The following TASOR2 variants were observed in gnomAD, a reference collection of about 807,000 sequenced individuals.
The protein encoded by TASOR2 is transcription activation suppressor family member 2, also known as protein TASOR 2.
Under a neutral mutation model 199.5 loss-of-function variants are expected in TASOR2, and 84 were observed. The ratio of observed to expected loss-of-function variants is 0.42; its 90% CI spans 0.35 to 0.50. The LOEUF (loss-of-function observed/expected upper bound fraction) is 0.50. Among genes scored for constraint, TASOR2 ranks in the 20% least tolerant of loss-of-function variants. The pLI is 0.02. For synonymous variants in TASOR2, 1,103 were observed against 1,046.6 expected, an observed-to-expected ratio of 1.05 and a Z score of -1.04; for missense variants, 2,796 against 2,835.9, an observed-to-expected ratio of 0.99 and a Z score of 0.32.
intron 10 of TASOR2, among the ~76,000 whole-genome samples, chr10:5,728,066 T>G (rs1834281935): frequency 6.6e-6 from 1 of 151,214 alleles, no homozygotes; most frequent in African/African-American, 2.4e-5. Flanking sequence ...CTACAAAAAA[T>G]AGAGAAAAAT....
rs549909318 is a variant in TASOR2 at position 5,751,091 on chromosome 10, G to A, written c.6606+1064G>A. ...TAGTGCTCTTGTCAGTGCATTCATT[G>A]TATCAGGAGGCACCCGATGTTGATT... is the stretch of plus-strand genomic sequence containing the variant. On this transcript the variant is annotated intron_variant, in intron 15 of 20. Coordinates refer to ENST00000328090, the Ensembl canonical transcript of TASOR2. This position sits in a 1 kb window ranked among gnomAD's most constrained non-coding sequence, Gnocchi z 5.3. Among the ~76,000 whole-genome samples, 148 of 152,296 alleles carry A rather than the reference G, an allele frequency of 9.7e-4. No homozygotes were observed. Among genetic ancestry groups the A allele is most frequent in the Non-Finnish European group, 1.4e-3 (92 of 68,026 alleles).
At chr10:5,729,238 A>G (rs1834469767) in intron 10 of TASOR2, among the ~76,000 whole-genome samples, 1 of 152,112 alleles carries the variant, frequency 6.6e-6, no homozygotes, top group Non-Finnish European at 1.5e-5. Flanking sequence ...AATTCCAGCT[A>G]CTCGGGAGAC....
At chr10:5,758,153 T>C (rs1218848052) in intron 17 of TASOR2, among the ~76,000 whole-genome samples, 1 of 152,192 alleles carries the variant, frequency 6.6e-6, no homozygotes, top group African/African-American at 2.4e-5. Context: ...GGCACTTTTA[T>C]GTATAAAACC....
At chr10:5,711,840 T>G (rs1831954372) in intron 1 of TASOR2, among the ~76,000 whole-genome samples, 1 of 152,060 alleles carries the variant, frequency 6.6e-6, no homozygotes, top group African/African-American at 2.4e-5. Flanking sequence ...TAAAACTCAA[T>G]AGACTCTTCT....
At chr10:5,735,612 T>C in intron 12 of TASOR2, 66 bp downstream of exon 13, 1 of 1,545,422 alleles carries the variant, frequency 6.5e-7, no homozygotes, top group Non-Finnish European at 8.7e-7. Flanking sequence ...TGCAAGATAA[T>C]TTATTGAAAT....
Position 5,748,813 on chromosome 10 carries a change from G to T in TASOR2, c.5392G>T (p.Gly1798Trp), listed in dbSNP as rs1837580913. The stretch of plus-strand genomic sequence containing the variant: ...AGAGCACGTAGAAATTGAGAACAGT[G>T]GGGAGGGGCTCAGGGCTGAGGCTGG... Residue 1798 changes from glycine to tryptophan, a missense_variant, in exon 15 of 21, where the codon GGG (glycine) becomes TGG (tryptophan). Coordinates refer to ENST00000328090, the Ensembl canonical transcript of TASOR2. The surrounding 1 kb of genome is among the most constrained non-coding windows in gnomAD (Gnocchi z 5.1). 1.2e-6 allele frequency: 2 copies of T among 1,614,170 alleles called. No homozygotes were observed. Among genetic ancestry groups the T allele is most frequent in the Non-Finnish European group, 1.7e-6 (2 of 1,180,046 alleles).
rs1396185121 is a variant in TASOR2, at chr10:5,742,372, TC to T, written c.2605del (p.Arg869ValfsTer52). 6.2e-7 allele frequency: 1 copy of T among 1,614,038 alleles called. No homozygotes were observed. Among genetic ancestry groups the T allele is most frequent in the Non-Finnish European group, 8.5e-7 (1 of 1,180,024 alleles). ...AGGGCTCATGCTGCTGAAGTATCCT[TC>T]CGTGATCCTAACTGCTTGCTTCCTT... is the stretch of plus-strand genomic sequence containing the variant. On this transcript the variant is annotated frameshift_variant, in exon 14 of 21. Coordinates refer to ENST00000328090, the Ensembl canonical transcript of TASOR2. LOFTEE classifies it high-confidence loss of function. The surrounding 1 kb of genome is among the most constrained non-coding windows in gnomAD (Gnocchi z 4.2).
At chr10:5,726,792 C>A in intron 8 of TASOR2, 93 bp from the exon 10 acceptor site, 1 of 1,154,022 alleles carries the variant, frequency 8.7e-7, no homozygotes, top group South Asian at 1.3e-5. Flanking sequence ...TTTTTCTTTT[C>A]TTGAGGTCAA....
chr10:5,747,095 C>T (rs1199796488), exon 15 of TASOR2: 18 of 1,613,996 alleles, frequency 1.1e-5, no homozygotes, highest in East Asian at 2.2e-5. Context: ...AACTGCATTT[C>T]GTCAGGATGC....
intron 15 of TASOR2, among the ~76,000 whole-genome samples, chr10:5,755,985 A>G (rs1838877926): frequency 1.3e-5 from 2 of 151,494 alleles, no homozygotes; most frequent in African/African-American, 4.8e-5. Flanking sequence ...GAGTGAGACC[A>G]TGTCTCAAAA....
At chr10:5,707,395 G>C (rs1838772657) in intron 1 of TASOR2, among the ~76,000 whole-genome samples, 1 of 152,156 alleles carries the variant, frequency 6.6e-6, no homozygotes, top group Non-Finnish European at 1.5e-5. Flanking sequence ...CAGGGATCTA[G>C]TTTCTTTCTG....
Position 5,762,986 on chromosome 10 carries a change from G to A in TASOR2, c.7290-43G>A, listed in dbSNP as rs75997496. 1,499 of 1,591,012 alleles carry A rather than the reference G, an allele frequency of 9.4e-4. 29 individuals carry two copies. The East Asian group carries it at 0.023, about 25-fold the overall frequency. ...CCCGCTTATAAAATATTTCTTGTTC[G>A]TATTATTTTAAGAAGTTCTTTATCA... On this transcript the variant is annotated intron_variant, in intron 20 of 20. Coordinates refer to ENST00000328090, the Ensembl canonical transcript of TASOR2.
intron 6 of TASOR2, 25 bp from the exon 8 acceptor site, chr10:5,723,652 T>G: frequency 1.4e-6 from 2 of 1,424,306 alleles, no homozygotes; most frequent in East Asian, 2.4e-5. Flanking sequence ...ATTATTCTGC[T>G]TGATACTGTT....
At chr10:5,714,418 G>T in intron 2 of TASOR2, 1 of 358,434 alleles carries the variant, frequency 2.8e-6, no homozygotes, top group East Asian at 4.1e-5. Context: ...GATTGGTATT[G>T]TCTTGAGAAT....
At chr10:5,727,065 T>G (rs2131585612) in exon 10 of TASOR2, 2 of 1,614,152 alleles carry the variant, frequency 1.2e-6, no homozygotes, top group East Asian at 4.5e-5. Context: ...GCATAGATTT[T>G]GGAGGCAAGC....
At chr10:5,762,359 C>T (rs1285527476) in intron 19 of TASOR2, among the ~76,000 whole-genome samples, 173 bp from the exon 21 acceptor site, 2 of 151,550 alleles carry the variant, frequency 1.3e-5, no homozygotes, top group African/African-American at 2.4e-5. Flanking sequence ...CCGATGGAGG[C>T]ATCTATTTCC....
At chr10:5,747,532 C>T (rs1367942771) in exon 15 of TASOR2, 1 of 1,614,106 alleles carries the variant, frequency 6.2e-7, no homozygotes, top group Non-Finnish European at 8.5e-7. Flanking sequence ...TACTTTAATA[C>T]TTTCTAAAGA....
At position 5,726,766 on chromosome 10, in the gene TASOR2, A is replaced by G. The variant is rs150741127; in HGVS notation, c.352-119A>G. 3.3e-5 allele frequency: 27 copies of G among 816,998 alleles called. No individual in the cohort carries two copies. The East Asian group carries it at 3.8e-4, about 12-fold the overall frequency. The allele number at this position is 816,998 out of a possible 1,614,324, so 50.6% of individuals were successfully genotyped here. A position where few individuals can be genotyped will look rare whatever the true frequency, so the allele number is the denominator to read the frequency against. On this transcript the variant is annotated intron_variant, in intron 8 of 20. Coordinates refer to ENST00000328090, the Ensembl canonical transcript of TASOR2. ...TGGGGACAGAATTACCCTGATTCCC[A>G]TAACATTTGCAGAATTTTTTCTTTT...
Position 5,720,806 on chromosome 10 carries a change from T to G in TASOR2, c.46+32T>G. 1 of 1,599,264 alleles carries G rather than the reference T, an allele frequency of 6.3e-7. No homozygotes were observed. Among genetic ancestry groups the G allele is most frequent in the Non-Finnish European group, 8.5e-7 (1 of 1,175,922 alleles). ...AATAGTTCATTGATTCTTTTAGGTT[T>G]TTTTTTTCTTGAGTAAATGTTTCAT... On this transcript the variant is annotated intron_variant, in intron 5 of 20. Transcript: ENST00000328090. This position sits in a 1 kb window ranked among gnomAD's most constrained non-coding sequence, Gnocchi z 5.3.
Sources: allele counts gnomAD v4.1 joint callset (sites outside exome capture counted in the v4.1 genomes callset), GRCh38; gene constraint gnomAD v4.1.1; non-coding constraint Gnocchi (gnomAD v3.1); transcripts MANE v1.5; gene names NCBI Gene and HGNC (gene_info 2026-07-23, HGNC 2026-07-21).